The following KANK1 variants were observed in gnomAD, a reference collection of about 807,000 sequenced individuals.
KANK1 encodes the protein KN motif and ankyrin repeat domains 1.
In KANK1, 109 loss-of-function variants were observed where a neutral mutation model predicts 106.2. That is an observed-to-expected ratio of 1.03 (90% CI 0.88 to 1.20). The LOEUF (loss-of-function observed/expected upper bound fraction) is 1.20, where lower values mean the gene tolerates loss of function less well. Ranked by LOEUF, KANK1 falls within the 50% of genes most tolerant of loss-of-function variation. KANK1 has a pLI of 0.00. For missense variants in KANK1, 2,399 were observed against 1,710.7 expected (o/e 1.40, Z -7.10); for synonymous variants, 873 against 652.2 (o/e 1.34, Z -5.16).
At chr9:667,718 T>C (rs2138418883) in intron 1 of KANK1, among the ~76,000 whole-genome samples, 1 of 148,730 alleles carries the variant, frequency 6.7e-6, no homozygotes, top group Admixed American at 7.0e-5. Flanking sequence ...TCCATGTTTT[T>C]GTTTAATTTC....
At chr9:690,566 G>T (rs1377875310) in intron 2 of KANK1, among the ~76,000 whole-genome samples, 1 of 152,060 alleles carries the variant, frequency 6.6e-6, no homozygotes, top group African/African-American at 2.4e-5. Context: ...CACAGTGGGT[G>T]GTGGGGAAAG....
At chr9:643,890 A>G (rs947837877) in intron 1 of KANK1, among the ~76,000 whole-genome samples, 1 of 150,298 alleles carries the variant, frequency 6.7e-6, no homozygotes, top group Non-Finnish European at 1.5e-5. Flanking sequence ...TTTGGTAGAG[A>G]CGGGGTTTCA....
intron 1 of KANK1, among the ~76,000 whole-genome samples, chr9:636,239 C>G (rs1305500811): frequency 3.3e-5 from 5 of 152,122 alleles, no homozygotes; most frequent in Non-Finnish European, 2.9e-5. Flanking sequence ...GCTCTTAGAT[C>G]TTTATATGCA....
At chr9:629,710 G>A (rs1057028010) in intron 1 of KANK1, among the ~76,000 whole-genome samples, 1 of 152,192 alleles carries the variant, frequency 6.6e-6, no homozygotes, top group African/African-American at 2.4e-5. Flanking sequence ...GTAACCTATA[G>A]TACAAACGTG....
intron 3 of KANK1, among the ~76,000 whole-genome samples, chr9:498,792 T>C (rs954962239): frequency 1.3e-5 from 2 of 152,156 alleles, no homozygotes; most frequent in Non-Finnish European, 2.9e-5. Flanking sequence ...TTGGCAAAGA[T>C]TTGGAGAAAT....
In KANK1 at chr9:664,693, G is replaced by A. The variant is rs747114792; in HGVS notation, c.-83-12197G>A. Among the ~76,000 whole-genome samples the A allele has an allele frequency of 9.2e-5, 14 of 152,176 alleles. 1 individual carries two copies. The highest frequency in any genetic ancestry group is 1.5e-5 in the Non-Finnish European group (1 of 68,044). Reference sequence around the variant, plus strand: ...TTTCTTTCTTTTAGAGAAATACTCAGTAGTGGAATTGCTGGATCATATAGT... The same window carrying A: ...TTTCTTTCTTTTAGAGAAATACTCAATAGTGGAATTGCTGGATCATATAGT... On this transcript the variant is annotated intron_variant, in intron 1 of 11. Transcript: ENST00000382297.
intron 3 of KANK1, among the ~76,000 whole-genome samples, chr9:499,401 C>T (rs1405195198): frequency 6.6e-6 from 1 of 152,058 alleles, no homozygotes; most frequent in Non-Finnish European, 1.5e-5. Context: ...TATTGTCCAG[C>T]AATAAAAAGG....
At chr9:741,670 G>T (rs1257710191) in intron 9 of KANK1, among the ~76,000 whole-genome samples, 1 of 151,930 alleles carries the variant, frequency 6.6e-6, no homozygotes. Context: ...TGTATTTTTA[G>T]TAGAGACAAG....
chr9:578,690 A>G (rs894318980), intron 1 of KANK1, among the ~76,000 whole-genome samples: 1 of 152,222 alleles, frequency 6.6e-6, no homozygotes, highest in Non-Finnish European at 1.5e-5. Context: ...TGAAAATAAA[A>G]TAACCATTAC....
intron 3 of KANK1, chr9:477,897 T>TG (rs2058134075): frequency 6.5e-6 from 1 of 154,324 alleles, no homozygotes; most frequent in Non-Finnish European, 1.4e-5. Context: ...GTCATATACC[T>TG]GCCAGGTGCC....
intron 3 of KANK1, chr9:478,130 G>C (rs2058138595): frequency 4.7e-6 from 1 of 211,858 alleles, no homozygotes. Context: ...GAGACAGAAA[G>C]AAGCAAAACA....
chr9:536,420 T>TA (rs765593318), intron 1 of KANK1, among the ~76,000 whole-genome samples: 2 of 151,934 alleles, frequency 1.3e-5, no homozygotes, highest in Non-Finnish European at 2.9e-5. Context: ...CTCACTGGAA[T>TA]AAAATCAAGA....
At chr9:624,577 G>A (rs753729296) in intron 1 of KANK1, among the ~76,000 whole-genome samples, 4 of 152,090 alleles carry the variant, frequency 2.6e-5, no homozygotes, top group Non-Finnish European at 4.4e-5. Flanking sequence ...GCTGAGGTGG[G>A]TGATCACTTG....
intron 3 of KANK1, among the ~76,000 whole-genome samples, chr9:498,000 C>G (rs2058484904): frequency 6.6e-6 from 1 of 152,136 alleles, no homozygotes; most frequent in Non-Finnish European, 1.5e-5. Context: ...TCCTGACTTG[C>G]TTCCTTGCTG....
intron 3 of KANK1, among the ~76,000 whole-genome samples, chr9:479,293 A>C (rs563844891): frequency 1.3e-5 from 2 of 152,166 alleles, no homozygotes; most frequent in African/African-American, 4.8e-5. Flanking sequence ...TTCCAACTCA[A>C]CTGAAGAAAA....
chr9:657,106 A>C (rs1042799251), intron 1 of KANK1, among the ~76,000 whole-genome samples: 1 of 152,142 alleles, frequency 6.6e-6, no homozygotes, highest in African/African-American at 2.4e-5. Flanking sequence ...AATTACATGT[A>C]TGTGTCATAG....
chr9:738,521 T>G lies in KANK1; in HGVS notation c.3553+17T>G. On this transcript the variant is annotated intron_variant, in intron 8 of 11. Coordinates refer to ENST00000382297, the MANE Select transcript of KANK1 (RefSeq NM_015158.5). ...TAGATGCCGGTATGTTGGCTGCCCT[T>G]CCACCCTCTCTTCTCTAACAGTACT... 6.3e-7 allele frequency: 1 copy of G among 1,591,182 alleles called. No homozygotes were observed.
intron 1 of KANK1, among the ~76,000 whole-genome samples, chr9:647,078 A>C (rs1034054750): frequency 6.6e-6 from 1 of 151,126 alleles, no homozygotes; most frequent in African/African-American, 2.5e-5. Context: ...AGCCATCCCC[A>C]TGACTTTGTT....
At chr9:600,206 C>T (rs78162120) in intron 1 of KANK1, among the ~76,000 whole-genome samples, 5,284 of 151,836 alleles carry the variant, frequency 0.035, 132 homozygotes, top group Non-Finnish European at 0.054. Flanking sequence ...TCCCCACCCC[C>T]CTCTTCCCCT....
Sources: gnomAD v4.1 joint callset for allele counts (sites outside exome capture counted in the v4.1 genomes callset) on GRCh38, gnomAD v4.1.1 for gene constraint, MANE v1.5 for transcripts, NCBI Gene and HGNC (gene_info 2026-07-23, HGNC 2026-07-21) for gene names.